MED12L: variants seen among roughly 807,000 people sequenced by gnomAD.
MED12L encodes the protein mediator complex subunit 12L.
A neutral mutation model predicts 281.3 loss-of-function variants in MED12L; 60 were observed. That is an observed-to-expected ratio of 0.21 (90% CI 0.17 to 0.26). The LOEUF (loss-of-function observed/expected upper bound fraction) is 0.26, where lower values mean the gene tolerates loss of function less well. Ranked by LOEUF, MED12L falls within the 10% of genes least tolerant of loss-of-function variation. The pLI, the probability that MED12L is intolerant of heterozygous loss-of-function variation, is 1.00. For missense variants in MED12L, 2,146 were observed against 2,680.9 expected, an observed-to-expected ratio of 0.80 and a Z score of 4.41; for synonymous variants, 974 against 987.2, an observed-to-expected ratio of 0.99 and a Z score of 0.25.
At chr3:151,166,519 G>T (rs538992749) in intron 11 of MED12L, among the ~76,000 whole-genome samples, 1 of 152,156 alleles carries the variant, frequency 6.6e-6, no homozygotes, top group East Asian at 1.9e-4. Context: ...GGAGAAAAGA[G>T]AGGGGTATTT....
At position 151,086,984 on chromosome 3, in the gene MED12L, G is replaced by A. The variant is rs1163994622; in HGVS notation, c.58G>A (p.Gly20Arg). The A allele has an allele frequency of 1.9e-6, 3 of 1,610,000 alleles. No individual in the cohort carries two copies. Among genetic ancestry groups the A allele is most frequent in the Non-Finnish European group, 1.7e-6 (2 of 1,178,926 alleles). ...GAGACCGCTGAAGCGCCCCCGGCTCGGGCCGCCCGACGTCTACCCACAGGA... is the reference window on the plus strand; with the variant it reads ...GAGACCGCTGAAGCGCCCCCGGCTCAGGCCGCCCGACGTCTACCCACAGGA... ...EQRPLKRPRL[G>R]PPDVYPQDPK... The change falls in exon 2 of 45, where the codon GGG (glycine) becomes AGG (arginine). Residue 20 changes from glycine to arginine, a missense_variant. By Grantham distance (125) the Gly-to-Arg change is moderately radical. Coordinates refer to ENST00000687756, the MANE Select transcript of MED12L (RefSeq NM_001393769.1).
intron 17 of MED12L, among the ~76,000 whole-genome samples, chr3:151,353,985 C>T (rs1399571349): frequency 2.9e-5 from 4 of 139,232 alleles, no homozygotes; most frequent in Non-Finnish European, 6.1e-5. Context: ...ACTAAAAATA[C>T]AAAAAATTAG....
intron 2 of MED12L, among the ~76,000 whole-genome samples, chr3:151,096,623 C>G (rs1211482693): frequency 6.6e-6 from 1 of 152,092 alleles, no homozygotes; most frequent in Non-Finnish European, 1.5e-5. Context: ...TTCTGTTTTG[C>G]TGAGAGAGGG....
At chr3:151,242,049 T>C (rs1305010149) in intron 16 of MED12L, among the ~76,000 whole-genome samples, 1 of 152,156 alleles carries the variant, frequency 6.6e-6, no homozygotes, top group East Asian at 1.9e-4. Context: ...CCCACCCGAA[T>C]ACTGCGCTTT....
intron 16 of MED12L, among the ~76,000 whole-genome samples, chr3:151,270,297 G>C (rs1313431153): frequency 1.4e-5 from 2 of 146,368 alleles, no homozygotes; most frequent in African/African-American, 5.1e-5. Context: ...CTACACCACA[G>C]CTCTCAACTT....
intron 16 of MED12L, among the ~76,000 whole-genome samples, chr3:151,247,959 C>CTTTTTTTTTT (rs1407147027): frequency 3.1e-5 from 2 of 65,456 alleles, no homozygotes; most frequent in African/African-American, 1.2e-4. Flanking sequence ...TCTTCTTCTT[C>CTTTTTTTTTT]TTCTTTTTTT....
At chr3:151,166,500 GA>G (rs576811971) in intron 11 of MED12L, among the ~76,000 whole-genome samples, 1 of 152,008 alleles carries the variant, frequency 6.6e-6, no homozygotes, top group Non-Finnish European at 1.5e-5. Flanking sequence ...CCTAGAGAGA[GA>G]AAGGGGGGGA....
At chr3:151,334,976 A>C (rs1577357267) in intron 16 of MED12L, among the ~76,000 whole-genome samples, 1 of 152,234 alleles carries the variant, frequency 6.6e-6, no homozygotes, top group African/African-American at 2.4e-5. Context: ...AATTTCATAT[A>C]AATTTCATTC....
chr3:151,188,134 C>T (rs779966777), intron 12 of MED12L: 10 of 328,088 alleles, frequency 3.0e-5, no homozygotes, highest in East Asian at 2.1e-4. Context: ...CGCCCGATCT[C>T]GTCTGATCTC....
In MED12L at chr3:151,385,017, C is replaced by T. The variant is rs772078334; in HGVS notation, c.4927-13C>T. 71 of 1,324,118 alleles carry T rather than the reference C, an allele frequency of 5.4e-5. No individual in the cohort carries two copies. The highest frequency in any genetic ancestry group is 7.0e-5 in the East Asian group (3 of 42,862). The allele number at this position is 1,324,118 out of a possible 1,614,324, so 82.0% of individuals were successfully genotyped here. A position where few individuals can be genotyped will look rare whatever the true frequency, so the allele number is the denominator to read the frequency against. ...CCCACTTCTCACTCTCTCTCTCTCT[C>T]TTTTTTCTTTAGAAAGAGCTAGGAG... is the stretch of plus-strand genomic sequence containing the variant. On this transcript the variant is annotated splice_polypyrimidine_tract_variant and intron_variant, in intron 35 of 44. Coordinates refer to ENST00000687756, the MANE Select transcript of MED12L (RefSeq NM_001393769.1).
chr3:151,297,552 T>C (rs1330016390), intron 16 of MED12L, among the ~76,000 whole-genome samples: 1 of 152,280 alleles, frequency 6.6e-6, no homozygotes, highest in Admixed American at 6.5e-5. Context: ...TATGAATTGC[T>C]TTTCAAAATC....
At chr3:151,355,279 C>G (rs1753766633) in intron 18 of MED12L, 40 bp downstream of exon 18, 2 of 1,421,572 alleles carry the variant, frequency 1.4e-6, no homozygotes, top group Non-Finnish European at 9.7e-7. Context: ...TTGCAGTATT[C>G]TAATTTACTT....
In MED12L at chr3:151,357,251, C is replaced by T. The variant is rs139296837; in HGVS notation, c.2700C>T (p.Leu900=). ...NELSVVEAEL[L]LKSSSLAGSY... ...TGAGTGTTGTGGAAGCTGAACTGCT[C>T]CTAAAATCCTCCAGCCTGGCAGGAA... The change falls in exon 20 of 45, where the codon CTC becomes CTT. Residue 900 remains leucine, a synonymous_variant. Transcript: ENST00000687756. The T allele has an allele frequency of 1.2e-6, 2 of 1,613,320 alleles. No homozygotes were observed. The highest frequency in any genetic ancestry group is 1.7e-5 in the Admixed American group (1 of 59,910).
At chr3:151,297,180 A>G (rs1366120036) in intron 16 of MED12L, among the ~76,000 whole-genome samples, 1 of 152,210 alleles carries the variant, frequency 6.6e-6, no homozygotes, top group Non-Finnish European at 1.5e-5. Flanking sequence ...TTCAGCAGCC[A>G]TCTATATCAC....
At chr3:151,116,085 A>G (rs1712753765) in intron 2 of MED12L, among the ~76,000 whole-genome samples, 1 of 149,342 alleles carries the variant, frequency 6.7e-6, no homozygotes, top group African/African-American at 2.5e-5. Flanking sequence ...AAAAAAAAAA[A>G]AAGAATAGTA....
At chr3:151,223,134 A>G (rs1729722950) in intron 16 of MED12L, among the ~76,000 whole-genome samples, 1 of 149,658 alleles carries the variant, frequency 6.7e-6, no homozygotes, top group African/African-American at 2.5e-5. Context: ...TGTAAATCAT[A>G]TATTCTAACT....
At chr3:151,256,800 T>C (rs1157272396) in intron 16 of MED12L, among the ~76,000 whole-genome samples, 2 of 150,476 alleles carry the variant, frequency 1.3e-5, no homozygotes, top group East Asian at 3.9e-4. Context: ...AGCTGACTGG[T>C]TATTAATCCA....
intron 28 of MED12L, 142 bp downstream of exon 28, chr3:151,376,356 A>G (rs1170290163): frequency 1.3e-5 from 9 of 671,212 alleles, no homozygotes; most frequent in Admixed American, 7.5e-5. Flanking sequence ...TGTGGAATTG[A>G]CATACTTTAT....
At chr3:151,269,457 A>T (rs921949131) in intron 16 of MED12L, 4 of 244,182 alleles carry the variant, frequency 1.6e-5, no homozygotes, top group Non-Finnish European at 3.2e-5. Flanking sequence ...CAGAGACTTA[A>T]TGAACAAGCC....
Sources: allele counts gnomAD v4.1 joint callset (sites outside exome capture counted in the v4.1 genomes callset), GRCh38; gene constraint gnomAD v4.1.1; transcripts MANE v1.5; gene names NCBI Gene and HGNC (gene_info 2026-07-23, HGNC 2026-07-21).